Variants in HDAC9 observed in about 807,000 individuals in gnomAD.
HDAC9 encodes histone deacetylase 9, also known as MEF-2 interacting transcription repressor (MITR) protein.
In HDAC9, 41 loss-of-function variants were observed where a neutral mutation model predicts 139.4. The ratio of observed to expected loss-of-function variants is 0.29; its 90% CI spans 0.23 to 0.38. The LOEUF (loss-of-function observed/expected upper bound fraction) is 0.38. Ranked by LOEUF, HDAC9 falls within the 10% of genes least tolerant of loss-of-function variation. The pLI is 1.00. For synonymous variants in HDAC9, 517 were observed against 476.2 expected, an observed-to-expected ratio of 1.09 and a Z score of -1.12; for missense variants, 1,147 against 1,297.0, an observed-to-expected ratio of 0.88 and a Z score of 1.78.
At chr7:18,732,701 G>C (rs201363735) in intron 13 of HDAC9, among the ~76,000 whole-genome samples, 1 of 78,670 alleles carries the variant, frequency 1.3e-5, no homozygotes, top group South Asian at 4.2e-4. Context: ...ACACACACGT[G>C]TATGTGTGCG....
At chr7:18,138,818 A>G (rs1198463765) in intron 1 of HDAC9, among the ~76,000 whole-genome samples, 1 of 152,164 alleles carries the variant, frequency 6.6e-6, no homozygotes, top group Non-Finnish European at 1.5e-5. Flanking sequence ...AATCAGGGGC[A>G]AGGATGGAAT....
chr7:18,264,314 A>C (rs548484746), intron 2 of HDAC9, among the ~76,000 whole-genome samples: 1 of 152,204 alleles, frequency 6.6e-6, no homozygotes, highest in Admixed American at 6.5e-5. Flanking sequence ...AACAGCATGC[A>C]AAGTATATTC....
chr7:18,295,460 A>G (rs1350009075), intron 1 of HDAC9, among the ~76,000 whole-genome samples: 1 of 152,172 alleles, frequency 6.6e-6, no homozygotes, highest in African/African-American at 2.4e-5. Flanking sequence ...CATACTGACT[A>G]ATCAGTTTTA....
intron 1 of HDAC9, among the ~76,000 whole-genome samples, chr7:18,439,677 A>C (rs1055550240): frequency 2.6e-5 from 4 of 152,218 alleles, no homozygotes; most frequent in Non-Finnish European, 4.4e-5. Context: ...TAGTGGTTTG[A>C]AACTGGCATT....
chr7:18,149,372 T>G (rs1584333579), intron 1 of HDAC9, among the ~76,000 whole-genome samples: 1 of 148,486 alleles, frequency 6.7e-6, no homozygotes, highest in African/African-American at 2.4e-5. Context: ...TTTTTTTGTT[T>G]AGAGTCAGGG....
chr7:18,618,908 C>T (rs965628444), intron 6 of HDAC9, among the ~76,000 whole-genome samples: 1 of 151,086 alleles, frequency 6.6e-6, no homozygotes, highest in African/African-American at 2.4e-5. Context: ...TGTGAAATAC[C>T]AATTCAGAAG....
chr7:18,272,462 A>G (rs1425416527), intron 2 of HDAC9, among the ~76,000 whole-genome samples: 1 of 152,170 alleles, frequency 6.6e-6, no homozygotes, highest in Non-Finnish European at 1.5e-5. Flanking sequence ...TAATCAATAT[A>G]TGAATAAGGA....
intron 12 of HDAC9, among the ~76,000 whole-genome samples, chr7:18,675,402 T>C (rs1781436828): frequency 6.6e-6 from 1 of 152,056 alleles, no homozygotes; most frequent in Non-Finnish European, 1.5e-5. Flanking sequence ...TTAAATGTGG[T>C]CAGGAATTCT....
At chr7:18,989,896 C>A (rs1585501561) in intron 25 of HDAC9, among the ~76,000 whole-genome samples, 1 of 151,106 alleles carries the variant, frequency 6.6e-6, no homozygotes, top group Admixed American at 6.6e-5. Context: ...CCTTGGTTTT[C>A]AGCTCCATCA....
At chr7:18,127,305 T>A (rs1482388559) in intron 1 of HDAC9, 1 of 170,322 alleles carries the variant, frequency 5.9e-6, no homozygotes, top group East Asian at 1.9e-4. Context: ...ACCAAATTAT[T>A]TGTTGCTTAT....
At chr7:18,863,267 G>A (rs916725046) in intron 21 of HDAC9, among the ~76,000 whole-genome samples, 3 of 152,098 alleles carry the variant, frequency 2.0e-5, no homozygotes, top group African/African-American at 7.2e-5. Context: ...GCATCACTGG[G>A]TATAACATTC....
At chr7:18,893,052 A>AG (rs1800835486) in intron 22 of HDAC9, among the ~76,000 whole-genome samples, 1 of 148,656 alleles carries the variant, frequency 6.7e-6, no homozygotes, top group Non-Finnish European at 1.5e-5. Flanking sequence ...AAAAAAAAAA[A>AG]AAGAAAAGAA....
rs1790016241 is a variant in HDAC9, at chr7:18,187,620, A to C, written c.25+25271A>C. Among the ~76,000 whole-genome samples the C allele has an allele frequency of 1.3e-5, 2 of 152,268 alleles. 1 individual carries two copies. Among genetic ancestry groups the C allele is most frequent in the South Asian group, 4.1e-4 (2 of 4,828 alleles). ...TCCATTTTTGTTGCCAACCTTTTGC[A>C]CTTATTACTCCTTGCTGCTACTATT... On this transcript the variant is annotated intron_variant, in intron 2 of 12. Coordinates refer to the HDAC9 transcript ENST00000417496.
intron 2 of HDAC9, among the ~76,000 whole-genome samples, chr7:18,215,993 G>A (rs760888908): frequency 4.0e-5 from 6 of 151,896 alleles, no homozygotes; most frequent in Non-Finnish European, 7.4e-5. Flanking sequence ...GGCTTCTCTC[G>A]TCTCGCACCT....
chr7:18,704,666 A>G (rs747297418), intron 12 of HDAC9, among the ~76,000 whole-genome samples: 2 of 152,220 alleles, frequency 1.3e-5, no homozygotes, highest in Admixed American at 6.5e-5. Flanking sequence ...AAGTTTAAAC[A>G]TACTGCTGAT....
chr7:18,987,237 G>A (rs562185622), intron 25 of HDAC9, among the ~76,000 whole-genome samples: 11 of 152,124 alleles, frequency 7.2e-5, no homozygotes, highest in African/African-American at 2.2e-4. Flanking sequence ...TTTGGAATAC[G>A]TCCCATCAAT....
chr7:18,291,002 T>G (rs1797770317), intron 1 of HDAC9, among the ~76,000 whole-genome samples: 1 of 152,136 alleles, frequency 6.6e-6, no homozygotes, highest in African/African-American at 2.4e-5. Context: ...GTGAATAGTA[T>G]AGAGATTTCC....
chr7:18,254,650 A>G (rs983106251), intron 2 of HDAC9, among the ~76,000 whole-genome samples: 18 of 152,212 alleles, frequency 1.2e-4, no homozygotes, highest in African/African-American at 3.4e-4. Context: ...TTGTTCAAAA[A>G]TAGCAGGTTA....
intron 1 of HDAC9, among the ~76,000 whole-genome samples, chr7:18,445,589 G>C (rs1792215012): frequency 6.6e-6 from 1 of 152,152 alleles, no homozygotes; most frequent in Non-Finnish European, 1.5e-5. Flanking sequence ...AATTTTCGGA[G>C]CCAATTTTAA....
Sources: allele counts gnomAD v4.1 joint callset (sites outside exome capture counted in the v4.1 genomes callset), GRCh38; gene constraint gnomAD v4.1.1; transcripts MANE v1.5; gene names NCBI Gene and HGNC (gene_info 2026-07-23, HGNC 2026-07-21).